The following SLC24A2 variants were observed in gnomAD, a reference collection of about 807,000 sequenced individuals.
SLC24A2 encodes the protein sodium/potassium/calcium exchanger 2.
SLC24A2 carries 36 observed loss-of-function variants against 62.0 expected under a neutral mutation model. That is an observed-to-expected ratio of 0.58 (90% CI 0.44 to 0.77). The LOEUF (loss-of-function observed/expected upper bound fraction) is 0.77, where lower values mean the gene tolerates loss of function less well. Ranked by LOEUF, SLC24A2 falls within the 30% of genes least tolerant of loss-of-function variation. SLC24A2 has a pLI of 0.00. For missense variants in SLC24A2, 846 were observed against 817.9 expected (o/e 1.03, Z -0.42); for synonymous variants, 358 against 294.0 (o/e 1.22, Z -2.23).
intron 2 of SLC24A2, among the ~76,000 whole-genome samples, chr9:19,662,116 T>C (rs1417734489): frequency 6.6e-6 from 1 of 152,218 alleles, no homozygotes; most frequent in Admixed American, 6.5e-5. Flanking sequence ...GAACTGCACA[T>C]GTCATTGTGA....
chr9:20,086,521 C>T, the SLC24A2 span, among the ~76,000 whole-genome samples: 1 of 152,186 alleles, frequency 6.6e-6, no homozygotes, highest in Non-Finnish European at 1.5e-5. Context: ...AACCACTGGC[C>T]TCTGACAGTT....
chr9:20,295,279 G>T, the SLC24A2 span, among the ~76,000 whole-genome samples: 1 of 152,110 alleles, frequency 6.6e-6, no homozygotes, highest in African/African-American at 2.4e-5. Flanking sequence ...AATCCTAGGG[G>T]AGAGATTAGT....
the SLC24A2 span, among the ~76,000 whole-genome samples, chr9:20,040,372 G>C: frequency 6.6e-6 from 1 of 152,190 alleles, no homozygotes; most frequent in Non-Finnish European, 1.5e-5. Flanking sequence ...TGCTAATATG[G>C]TTCAGAATGA....
At chr9:19,571,825 G>T (rs1207125236) in intron 7 of SLC24A2, among the ~76,000 whole-genome samples, 2 of 152,176 alleles carry the variant, frequency 1.3e-5, no homozygotes, top group African/African-American at 4.8e-5. Flanking sequence ...AGGTGGTTCT[G>T]CCTACATTTT....
At chr9:19,912,025 T>A in the SLC24A2 span, among the ~76,000 whole-genome samples, 1 of 152,286 alleles carries the variant, frequency 6.6e-6, no homozygotes, top group Admixed American at 6.5e-5. Context: ...TATATTTATA[T>A]TTTAAGCTTT....
chr9:20,108,204 A>G, the SLC24A2 span, among the ~76,000 whole-genome samples: 16,966 of 151,916 alleles, frequency 0.11, 997 homozygotes, highest in Middle Eastern at 0.17. Context: ...AACAACAGGT[A>G]CTGGAGAGGA....
At chr9:19,526,451 T>C (rs1037480111) in intron 9 of SLC24A2, among the ~76,000 whole-genome samples, 2 of 152,242 alleles carry the variant, frequency 1.3e-5, no homozygotes, top group Non-Finnish European at 2.9e-5. Flanking sequence ...GGCTGCACTG[T>C]TTTACATTCC....
the SLC24A2 span, among the ~76,000 whole-genome samples, chr9:19,842,680 A>C: frequency 1.3e-5 from 2 of 152,222 alleles, no homozygotes; most frequent in Non-Finnish European, 2.9e-5. Flanking sequence ...CTAAACTGAA[A>C]TATGAAACTA....
chr9:19,991,443 C>T, the SLC24A2 span, among the ~76,000 whole-genome samples: 1 of 152,268 alleles, frequency 6.6e-6, no homozygotes, highest in African/African-American at 2.4e-5. Flanking sequence ...TCTGCCTCTC[C>T]CAGTCCACTG....
chr9:19,646,775 A>G (rs1364168307), intron 2 of SLC24A2, among the ~76,000 whole-genome samples: 2 of 152,136 alleles, frequency 1.3e-5, no homozygotes, highest in Non-Finnish European at 2.9e-5. Context: ...CCTTAAAAAT[A>G]TGGCTGCAAC....
At chr9:19,978,069 C>T in the SLC24A2 span, among the ~76,000 whole-genome samples, 26 of 152,144 alleles carry the variant, frequency 1.7e-4, no homozygotes, top group South Asian at 4.2e-4. Flanking sequence ...GATGGGTGTT[C>T]AGACTTAGAT....
chr9:20,127,831 T>C, the SLC24A2 span, among the ~76,000 whole-genome samples: 3 of 152,236 alleles, frequency 2.0e-5, no homozygotes, highest in South Asian at 6.2e-4. Context: ...ACTAGCATTT[T>C]TAGTCTTGTG....
chr9:20,034,451 G>GTTT, the SLC24A2 span, among the ~76,000 whole-genome samples: 29 of 83,178 alleles, frequency 3.5e-4, no homozygotes, highest in Non-Finnish European at 5.1e-4. Context: ...GGCCTTTTAA[G>GTTT]TTTTTTTTTT....
chr9:20,084,767 G>A, the SLC24A2 span, among the ~76,000 whole-genome samples: 1 of 152,092 alleles, frequency 6.6e-6, no homozygotes, highest in African/African-American at 2.4e-5. Context: ...TATTCCCCTA[G>A]ATCACAACCA....
At chr9:19,862,675 A>T in the SLC24A2 span, among the ~76,000 whole-genome samples, 2 of 152,082 alleles carry the variant, frequency 1.3e-5, no homozygotes, top group Non-Finnish European at 2.9e-5. Flanking sequence ...TAACAACAAA[A>T]AAATTAAAAC....
At chr9:19,800,013 G>A in the SLC24A2 span, among the ~76,000 whole-genome samples, 1 of 152,110 alleles carries the variant, frequency 6.6e-6, no homozygotes, top group Non-Finnish European at 1.5e-5. Flanking sequence ...TGGCATTCCT[G>A]GATTTGTGGC....
intron 8 of SLC24A2, among the ~76,000 whole-genome samples, chr9:19,542,592 T>C (rs1016499477): frequency 1.3e-5 from 2 of 152,126 alleles, no homozygotes; most frequent in African/African-American, 4.8e-5. Context: ...TAAACAGCTC[T>C]TATTGAGATA....
At position 19,726,007 on chromosome 9, in the gene SLC24A2, T is replaced by C. The variant is rs545281359; in HGVS notation, c.930+59930A>G. Among the ~76,000 whole-genome samples the C allele has an allele frequency of 3.7e-4, 56 of 152,276 alleles. No individual in the cohort carries two copies. The South Asian group carries it at 0.011, about 31-fold the overall frequency. On this transcript the variant is annotated intron_variant, in intron 2 of 10. Transcript: ENST00000341998. ...TGCTTTCAGTATACAGGCTTCTTAT[T>C]AACAAGGAATATTTATAAACACTGT...
the SLC24A2 span, among the ~76,000 whole-genome samples, chr9:20,257,859 C>T: frequency 1.3e-5 from 2 of 152,214 alleles, no homozygotes; most frequent in South Asian, 2.1e-4. Flanking sequence ...ACTGGCTTGA[C>T]ATCACCATAC....
Sources: gnomAD v4.1 joint callset for allele counts (sites outside exome capture counted in the v4.1 genomes callset) on GRCh38, gnomAD v4.1.1 for gene constraint, MANE v1.5 for transcripts, NCBI Gene and HGNC (gene_info 2026-07-23, HGNC 2026-07-21) for gene names.